Variants in EPB41L1 observed in about 807,000 individuals in gnomAD.
EPB41L1 encodes the protein erythrocyte membrane protein band 4.1 like 1, also known as band 4.1-like protein 1.
In EPB41L1, 29 loss-of-function variants were observed where a neutral mutation model predicts 97.8. The ratio of observed to expected loss-of-function variants is 0.30; its 90% CI spans 0.22 to 0.40. The LOEUF (loss-of-function observed/expected upper bound fraction) is 0.40, where lower values mean the gene tolerates loss of function less well. Ranked by LOEUF, EPB41L1 falls within the 10% of genes least tolerant of loss-of-function variation. EPB41L1 has a pLI of 1.00. For synonymous variants in EPB41L1, 383 were observed against 459.2 expected, an observed-to-expected ratio of 0.83 and a Z score of 2.12; for missense variants, 812 against 1,162.3, an observed-to-expected ratio of 0.70 and a Z score of 4.38.
chr20:36,210,755 C>A (rs2063085740), intron 15 of EPB41L1, among the ~76,000 whole-genome samples: 1 of 152,172 alleles, frequency 6.6e-6, no homozygotes, highest in South Asian at 2.1e-4. Flanking sequence ...CCTGTAATGC[C>A]TATGCTCCAG....
intron 14 of EPB41L1, among the ~76,000 whole-genome samples, chr20:36,208,959 T>A (rs1484537274): frequency 6.6e-6 from 1 of 152,096 alleles, no homozygotes. Flanking sequence ...TGCTGACCCC[T>A]CCCCCGGAGA....
At chr20:36,133,113 C>A (rs1250252981) in intron 2 of EPB41L1, among the ~76,000 whole-genome samples, 1 of 152,262 alleles carries the variant, frequency 6.6e-6, no homozygotes, top group Non-Finnish European at 1.5e-5. Flanking sequence ...TGAGAGGGCC[C>A]GAGCTGTGCC....
intron 3 of EPB41L1, 110 bp downstream of exon 3, chr20:36,175,825 A>T (rs1041780631): frequency 1.7e-6 from 2 of 1,148,374 alleles, no homozygotes; most frequent in Non-Finnish European, 2.6e-6. Flanking sequence ...GTCCTGGACC[A>T]GTCACAGTGT....
At position 36,230,297 on chromosome 20, in the gene EPB41L1, A is replaced by G. The variant is rs938405782; in HGVS notation, c.*957A>G. 4.6e-5 allele frequency: 7 copies of G among 152,674 alleles called. No individual in the cohort carries two copies. The highest frequency in any genetic ancestry group is 1.7e-4 in the African/African-American group (7 of 41,458). 9.5% of individuals were successfully genotyped at this position (152,674 alleles called of 1,614,324 possible). On this transcript the variant is annotated 3_prime_UTR_variant, in exon 22 of 22. Transcript: ENST00000338074. ...TGAAGTTATGTATATTACATATAAC[A>G]GGAAAAAATATTAAAATAAACAGTG...
chr20:36,192,867 C>T (rs1341935513), intron 11 of EPB41L1, among the ~76,000 whole-genome samples: 2 of 152,140 alleles, frequency 1.3e-5, no homozygotes, highest in Non-Finnish European at 2.9e-5. Flanking sequence ...GAAAGGGTGC[C>T]AACTGGGCAG....
intron 21 of EPB41L1, among the ~76,000 whole-genome samples, chr20:36,226,901 A>G (rs1234193173): frequency 6.6e-6 from 1 of 152,204 alleles, no homozygotes; most frequent in Non-Finnish European, 1.5e-5. Flanking sequence ...GCACAAACTT[A>G]AAGTGCAGCC....
intron 5 of EPB41L1, among the ~76,000 whole-genome samples, chr20:36,179,707 C>T (rs917557028): frequency 6.6e-6 from 1 of 152,226 alleles, no homozygotes; most frequent in African/African-American, 2.4e-5. Context: ...ACTCCCTGGT[C>T]CCCTGGCTGG....
chr20:36,122,048 C>T (rs1306747013), intron 2 of EPB41L1, among the ~76,000 whole-genome samples: 1 of 152,192 alleles, frequency 6.6e-6, no homozygotes, highest in African/African-American at 2.4e-5. Context: ...GTGTCGTGTG[C>T]TCAGCTGTTC....
At chr20:36,183,285 CCTCCTTCAT>C (rs2061543965) in intron 6 of EPB41L1, among the ~76,000 whole-genome samples, 4 of 152,302 alleles carry the variant, frequency 2.6e-5, no homozygotes, top group Admixed American at 2.6e-4. Flanking sequence ...CCATTGGGTC[CCTCCTTCAT>C]CTTCATGTTG....
chr20:36,180,451 G>A (rs1232016423), intron 5 of EPB41L1, among the ~76,000 whole-genome samples: 3 of 152,170 alleles, frequency 2.0e-5, no homozygotes, highest in African/African-American at 7.2e-5. Context: ...AGTAGTTCCT[G>A]CCTCATGAAG....
At chr20:36,127,621 T>C (rs1600450013) in intron 2 of EPB41L1, among the ~76,000 whole-genome samples, 1 of 152,142 alleles carries the variant, frequency 6.6e-6, no homozygotes, top group Non-Finnish European at 1.5e-5. Context: ...AATCCTGACA[T>C]AGGCAGACTC....
At chr20:36,158,527 T>G (rs942360601) in intron 1 of EPB41L1, among the ~76,000 whole-genome samples, 68 of 152,074 alleles carry the variant, frequency 4.5e-4, no homozygotes, top group Non-Finnish European at 1.3e-4. Context: ...GAGTGGGCGG[T>G]CTGATGTGCG....
At chr20:36,122,542 G>A (rs1304165762) in intron 2 of EPB41L1, 1 of 152,900 alleles carries the variant, frequency 6.5e-6, no homozygotes, top group Non-Finnish European at 1.5e-5. Context: ...GGTTTGGCAG[G>A]TTTGGCCACA....
At chr20:36,177,913 T>C (rs2061318666) in intron 3 of EPB41L1, 39 bp from the exon 4 acceptor site, 1 of 1,533,460 alleles carries the variant, frequency 6.5e-7, no homozygotes, top group Non-Finnish European at 9.0e-7. Flanking sequence ...CGCCCCGGGG[T>C]GTGCTTCAGC....
chr20:36,197,845 C>T lies in EPB41L1; in HGVS notation c.1486-14C>T. The stretch of plus-strand genomic sequence containing the variant: ...TGTTCCCCTAACACCACCACCCTCT[C>T]CATCTATCCCTAGTTCTTAGACAAG... On this transcript the variant is annotated splice_polypyrimidine_tract_variant and intron_variant, in intron 13 of 21. Transcript: ENST00000338074. 6.2e-7 allele frequency: 1 copy of T among 1,614,140 alleles called. No individual in the cohort carries two copies. Among genetic ancestry groups the T allele is most frequent in the Non-Finnish European group, 8.5e-7 (1 of 1,180,024 alleles).
chr20:36,196,262 C>T (rs897433447), intron 13 of EPB41L1, among the ~76,000 whole-genome samples: 24 of 152,234 alleles, frequency 1.6e-4, no homozygotes, highest in Admixed American at 6.5e-5. Flanking sequence ...CCTGTCTGAA[C>T]AGCAAAGCAT....
intron 4 of EPB41L1, 85 bp downstream of exon 4, chr20:36,178,141 C>T: frequency 1.0e-6 from 1 of 992,514 alleles, no homozygotes; most frequent in Admixed American, 1.9e-5. Flanking sequence ...TCCATTAGTG[C>T]TCAAATCATT....
At chr20:36,108,296 T>A (rs1028745418) in intron 1 of EPB41L1, among the ~76,000 whole-genome samples, 1 of 152,114 alleles carries the variant, frequency 6.6e-6, no homozygotes. Context: ...ATTTTTTACA[T>A]TGATTACATG....
chr20:36,205,918 ACCACCAT>A, intron 14 of EPB41L1: 1 of 1,289,872 alleles, frequency 7.8e-7, no homozygotes, highest in Non-Finnish European at 1.0e-6. Flanking sequence ...CCTAAAAGTG[ACCACCAT>A]GCAGCAGGAA....
Sources: allele counts gnomAD v4.1 joint callset (sites outside exome capture counted in the v4.1 genomes callset), GRCh38; gene constraint gnomAD v4.1.1; transcripts MANE v1.5; gene names NCBI Gene and HGNC (gene_info 2026-07-23, HGNC 2026-07-21).